Variants in TAGAP observed in about 807,000 individuals in gnomAD.
TAGAP encodes T-cell activation Rho GTPase-activating protein.
TAGAP carries 16 observed loss-of-function variants against 36.0 expected under a neutral mutation model. That is an observed-to-expected ratio of 0.44 (90% CI 0.30 to 0.68). TAGAP has a LOEUF of 0.68. Among genes scored for constraint, TAGAP ranks in the 30% least tolerant of loss-of-function variants. The pLI is 0.09. For missense variants in TAGAP, 794 were observed against 921.5 expected (o/e 0.86, Z 1.79); for synonymous variants, 372 against 377.4 (o/e 0.99, Z 0.17).
chr6:159,037,081 G>A lies in TAGAP; in HGVS notation c.942C>T (p.Asp314=). 1.2e-6 allele frequency: 2 copies of A among 1,612,194 alleles called. No homozygotes were observed. Among genetic ancestry groups the A allele is most frequent in the South Asian group, 1.1e-5 (1 of 91,090 alleles). ...LQNDSAYDSN[D]PDVESNSSSG... Reference sequence around the variant, plus strand: ...TGCTGCTGTTGGATTCCACATCAGGGTCGTTGCTGTCGTAGGCTGAGTCAT... The same window carrying A: ...TGCTGCTGTTGGATTCCACATCAGGATCGTTGCTGTCGTAGGCTGAGTCAT... The change falls in exon 10 of 10, where the codon GAC becomes GAT. Residue 314 remains aspartate (D), a synonymous_variant. Transcript: ENST00000367066. The surrounding 1 kb of genome is among the most constrained non-coding windows in gnomAD (Gnocchi z 5.1).
intron 3 of TAGAP, 86 bp from the exon 4 acceptor site, chr6:159,043,741 T>C (rs1316242592): frequency 3.0e-6 from 4 of 1,354,954 alleles, no homozygotes; most frequent in Non-Finnish European, 3.2e-6. Flanking sequence ...CAGCATTTTA[T>C]TCATATTAAA....
In TAGAP at chr6:159,041,929, A is replaced by T; in HGVS notation, c.315+149T>A. 5 of 824,150 alleles carry T rather than the reference A, an allele frequency of 6.1e-6. No individual in the cohort carries two copies. Among genetic ancestry groups the T allele is most frequent in the Non-Finnish European group, 9.7e-6 (5 of 516,032 alleles). 51.1% of individuals were successfully genotyped at this position (824,150 alleles called of 1,614,324 possible). On this transcript the variant is annotated intron_variant, in intron 5 of 9. Coordinates refer to ENST00000367066, the MANE Select transcript of TAGAP (RefSeq NM_054114.5). This position sits in a 1 kb window ranked among gnomAD's most constrained non-coding sequence, Gnocchi z 4.1. ...AGCAGTCAGATATTCTTCTGACTGC[A>T]CGCGTATGTGGGAGTGCCATGTTGA...
rs1779743077 is a variant in TAGAP at position 159,041,386 on chromosome 6, G to A, written c.445C>T (p.Leu149Phe). ...NSGDAVDLER[L>F]PVHLLAVVFK... ...ACCACAGCGAGGAGGTGCACGGGGA[G>A]CCTCTCCAGATCCACCGCATCCCCA... The change falls in exon 6 of 10, where the codon CTC (leucine) becomes TTC (phenylalanine). Residue 149 changes from leucine (L) to phenylalanine (F), a missense_variant. Coordinates refer to ENST00000367066, the MANE Select transcript of TAGAP (RefSeq NM_054114.5). The surrounding 1 kb of genome is among the most constrained non-coding windows in gnomAD (Gnocchi z 4.1). 2 of 1,614,054 alleles carry A rather than the reference G, an allele frequency of 1.2e-6. No homozygotes were observed. Among genetic ancestry groups the A allele is most frequent in the Non-Finnish European group, 1.7e-6 (2 of 1,180,004 alleles).
At position 159,041,783 on chromosome 6, in the gene TAGAP, C is replaced by G; in HGVS notation, c.316-268G>C. The G allele has an allele frequency of 1.9e-6, 1 of 535,454 alleles. No homozygotes were observed. The highest frequency in any genetic ancestry group is 3.3e-6 in the Non-Finnish European group (1 of 307,632). 33.2% of individuals were successfully genotyped at this position (535,454 alleles called of 1,614,324 possible). A position where few individuals can be genotyped will look rare whatever the true frequency, so the allele number is the denominator to read the frequency against. On this transcript the variant is annotated intron_variant, in intron 5 of 9. Coordinates refer to ENST00000367066, the MANE Select transcript of TAGAP (RefSeq NM_054114.5). This position sits in a 1 kb window ranked among gnomAD's most constrained non-coding sequence, Gnocchi z 4.1. ...CACAAAGTCTATATTCTGTTTCCCC[C>G]TTTTGACTTTTCAGAAGCTACAAAT... is the stretch of plus-strand genomic sequence containing the variant.
Position 159,036,494 on chromosome 6 carries a change from G to C in TAGAP, c.1529C>G (p.Ser510Cys). ...PSREIKKHSM[S>C]FTFAPHKKVL... ...TTTTTTGTGAGGGGCAAAGGTGAAA[G>C]ACATGGAGTGCTTTTTAATTTCTCG... The change falls in exon 10 of 10, where the codon TCT becomes TGT. Residue 510 changes from serine to cysteine, a missense_variant. By Grantham distance (112) the Ser-to-Cys change is moderately radical. Coordinates refer to ENST00000367066, the MANE Select transcript of TAGAP (RefSeq NM_054114.5). The surrounding 1 kb of genome is among the most constrained non-coding windows in gnomAD (Gnocchi z 4.9). 6.2e-7 allele frequency: 1 copy of C among 1,614,142 alleles called. No homozygotes were observed. The highest frequency in any genetic ancestry group is 2.2e-5 in the East Asian group (1 of 44,878).
chr6:159,044,309 C>A, intron 1 of TAGAP, 105 bp from the exon 2 acceptor site: 2 of 643,930 alleles, frequency 3.1e-6, no homozygotes, highest in Non-Finnish European at 2.4e-6. Context: ...ATTTATTTTT[C>A]TCTTTTGCTA....
chr6:159,042,235 T>C lies in TAGAP; in HGVS notation c.158A>G (p.Lys53Arg). Residue 53 changes from lysine to arginine, a missense_variant, in exon 5 of 10, where the codon AAG (lysine) becomes AGG (arginine). Transcript: ENST00000367066. ...DSICQLIEVK[K>R]RKKVLSWPFL... ...GGGCCAGGACAGCACCTTCTTTCTC[T>C]TCTTAACTTCTACAGCCAAGAAAAC... 6.2e-7 allele frequency: 1 copy of C among 1,610,326 alleles called. No individual in the cohort carries two copies. Among genetic ancestry groups the C allele is most frequent in the Non-Finnish European group, 8.5e-7 (1 of 1,178,810 alleles).
chr6:159,044,572 G>A (rs768588946), intron 1 of TAGAP, among the ~76,000 whole-genome samples: 14 of 151,640 alleles, frequency 9.2e-5, no homozygotes, highest in Non-Finnish European at 1.8e-4. Flanking sequence ...TTGGTGGAGT[G>A]CTGACTATAT....
Position 159,036,795 on chromosome 6 carries a change from C to G in TAGAP, c.1228G>C (p.Gly410Arg), listed in dbSNP as rs1779553687. Residue 410 changes from glycine (G) to arginine (R), a missense_variant, in exon 10 of 10, where the codon GGC becomes CGC. Gly to Arg is a moderately radical substitution (Grantham distance 125). Transcript: ENST00000367066. The surrounding 1 kb of genome is among the most constrained non-coding windows in gnomAD (Gnocchi z 4.9). The stretch of plus-strand genomic sequence containing the variant: ...GCCTCCTCACTTTCCAAACGAGAGC[C>G]TACCCGGGGCACGGGGAAGTCCCCT... ...SEGDFPVPRV[G>R]SRLESEEAED... 6.2e-7 allele frequency: 1 copy of G among 1,614,206 alleles called. No homozygotes were observed. Among genetic ancestry groups the G allele is most frequent in the East Asian group, 2.2e-5 (1 of 44,878 alleles).
rs35105682 is a variant in TAGAP, at chr6:159,042,189, G to A, written c.204C>T (p.Ser68=). ...LSWPFLMRRL[S]PASDFSGALE... ...AAGCCCCAGAAAAATCTGATGCAGG[G>A]GAGAGCCTTCTCATGAGAAAGGGCC... The change falls in exon 5 of 10, where the codon TCC becomes TCT. Residue 68 remains serine (S), a synonymous_variant. Coordinates refer to ENST00000367066, the MANE Select transcript of TAGAP (RefSeq NM_054114.5). The A allele has an allele frequency of 0.022, 35,717 of 1,614,086 alleles. 471 individuals carry two copies. Among genetic ancestry groups the A allele is most frequent in the Middle Eastern group, 0.024 (147 of 6,062 alleles).
In TAGAP at chr6:159,041,741, A is replaced by G. The variant is rs992388244; in HGVS notation, c.316-226T>C. The G allele has an allele frequency of 1.8e-5, 10 of 562,134 alleles. No homozygotes were observed. The highest frequency in any genetic ancestry group is 2.5e-5 in the Non-Finnish European group (8 of 324,270). 34.8% of individuals were successfully genotyped at this position (562,134 alleles called of 1,614,324 possible). On this transcript the variant is annotated intron_variant, in intron 5 of 9. Transcript: ENST00000367066. This position sits in a 1 kb window ranked among gnomAD's most constrained non-coding sequence, Gnocchi z 4.1. ...CTCTCCTTTCAAATACTTCCATATG[A>G]ACATTGGATTTCAGATCACAAAGTC... is the stretch of plus-strand genomic sequence containing the variant.
Position 159,041,551 on chromosome 6 carries a change from C to T in TAGAP, c.316-36G>A, listed in dbSNP as rs749453339. 6.3e-7 allele frequency: 1 copy of T among 1,597,104 alleles called. No homozygotes were observed. Among genetic ancestry groups the T allele is most frequent in the South Asian group, 1.1e-5 (1 of 89,434 alleles). On this transcript the variant is annotated intron_variant, in intron 5 of 9. Transcript: ENST00000367066. This position sits in a 1 kb window ranked among gnomAD's most constrained non-coding sequence, Gnocchi z 4.1. ...CAGCAATAGGAACAGGAAAGGGTTA[C>T]CCTTCTTCTTTAGTATACTGAGATA...
At chr6:159,038,310 C>T in intron 8 of TAGAP, 82 bp from the exon 9 acceptor site, 2 of 689,340 alleles carry the variant, frequency 2.9e-6, no homozygotes, top group East Asian at 2.7e-5. Context: ...AGAATGGGGA[C>T]ACTGGAGTCA....
intron 9 of TAGAP, 95 bp downstream of exon 9, chr6:159,038,019 A>T: frequency 1.3e-6 from 1 of 791,582 alleles, no homozygotes; most frequent in Non-Finnish European, 2.1e-6. Context: ...TGTGAAGGTA[A>T]CTTCTGCCTC....
chr6:159,041,398 C>A lies in TAGAP; in HGVS notation c.433G>T (p.Asp145Tyr). 1 of 1,614,146 alleles carries A rather than the reference C, an allele frequency of 6.2e-7. No individual in the cohort carries two copies. The change falls in exon 6 of 10, where the codon GAT (aspartate) becomes TAT (tyrosine). Residue 145 changes from aspartate (D) to tyrosine (Y), a missense_variant. Asp to Tyr is a radical substitution (Grantham distance 160). Transcript: ENST00000367066. This position sits in a 1 kb window ranked among gnomAD's most constrained non-coding sequence, Gnocchi z 4.1. Reference protein sequence around the residue: ...KEELNSGDAVDLERLPVHLLA... With the variant: ...KEELNSGDAVYLERLPVHLLA... ...AGGTGCACGGGGAGCCTCTCCAGAT[C>A]CACCGCATCCCCAGAGTTGAGCTCC...
At position 159,043,571 on chromosome 6, in the gene TAGAP, T is replaced by C; in HGVS notation, c.148+18A>G. 1 of 1,612,932 alleles carries C rather than the reference T, an allele frequency of 6.2e-7. No individual in the cohort carries two copies. Among genetic ancestry groups the C allele is most frequent in the Non-Finnish European group, 8.5e-7 (1 of 1,178,938 alleles). On this transcript the variant is annotated intron_variant, in intron 4 of 9. Transcript: ENST00000367066. ...TGTTAGCACTTACATAAAAGATCGG[T>C]ATGTTTTTAAAACTCACCAATGAGC...
At position 159,038,072 on chromosome 6, in the gene TAGAP, C is replaced by A. The variant is rs201081350; in HGVS notation, c.898+42G>T. 9.5e-6 allele frequency: 13 copies of A among 1,372,306 alleles called. No individual in the cohort carries two copies. The African/African-American group carries it at 1.6e-4, about 17-fold the overall frequency. The allele number at this position is 1,372,306 out of a possible 1,614,324, so 85.0% of individuals were successfully genotyped here. On this transcript the variant is annotated intron_variant, in intron 9 of 9. Transcript: ENST00000367066. ...TACATGACTGGCAGACTGGCATGAACTTTTCCCTACAATCGTAATCAAATG... is the reference window on the plus strand; with the variant it reads ...TACATGACTGGCAGACTGGCATGAAATTTTCCCTACAATCGTAATCAAATG...
chr6:159,036,551 A>C lies in TAGAP; in HGVS notation c.1472T>G (p.Phe491Cys), dbSNP rs749826063. The C allele has an allele frequency of 6.2e-7, 1 of 1,614,092 alleles. No homozygotes were observed. The highest frequency in any genetic ancestry group is 8.5e-7 in the Non-Finnish European group (1 of 1,180,008). The part of the protein sequence containing the change: ...KRNFFSRHQS[F>C]TTKTEKGKPS... ...CTTGCCTTTCTCTGTCTTTGTGGTG[A>C]AAGACTGATGTCTGCTGAAGAAATT... Residue 491 changes from phenylalanine to cysteine, a missense_variant, in exon 10 of 10, where the codon TTC becomes TGC. Coordinates refer to ENST00000367066, the MANE Select transcript of TAGAP (RefSeq NM_054114.5). The surrounding 1 kb of genome is among the most constrained non-coding windows in gnomAD (Gnocchi z 4.9).
Position 159,036,680 on chromosome 6 carries a change from C to T in TAGAP, c.1343G>A (p.Gly448Asp), listed in dbSNP as rs1224710193. 6.2e-7 allele frequency: 1 copy of T among 1,613,986 alleles called. No homozygotes were observed. The highest frequency in any genetic ancestry group is 1.3e-5 in the African/African-American group (1 of 75,028). The change falls in exon 10 of 10, where the codon GGT (glycine) becomes GAT (aspartate). Residue 448 changes from glycine to aspartate, a missense_variant. By Grantham distance (94) the Gly-to-Asp change is moderately conservative. Coordinates refer to ENST00000367066, the MANE Select transcript of TAGAP (RefSeq NM_054114.5). The surrounding 1 kb of genome is among the most constrained non-coding windows in gnomAD (Gnocchi z 4.9). ...VDLKIKNLAP[G>D]SVLPRALVLK... is the part of the protein sequence containing the mutation. ...AACCAGTGCCCGCGGGAGCACCGAA[C>T]CCGGGGCCAAGTTCTTGATCTTCAG...
Sources: allele counts gnomAD v4.1 joint callset (sites outside exome capture counted in the v4.1 genomes callset), GRCh38; gene constraint gnomAD v4.1.1; non-coding constraint Gnocchi (gnomAD v3.1); transcripts MANE v1.5; gene names NCBI Gene and HGNC (gene_info 2026-07-23, HGNC 2026-07-21).